COL4A2: variants seen among roughly 807,000 people sequenced by gnomAD.
COL4A2 encodes the protein collagen type IV alpha 2 chain, also known as collagen alpha-2(IV) chain.
A neutral mutation model predicts 200.2 loss-of-function variants in COL4A2; 99 were observed. The observed-to-expected ratio is 0.49, with a 90% CI of 0.42 to 0.58. The LOEUF (loss-of-function observed/expected upper bound fraction) is 0.58, where lower values mean the gene tolerates loss of function less well. COL4A2 is among the 20% of genes least tolerant of loss of function. The probability of loss-of-function intolerance (pLI) is 0.00; values close to 1 mark genes in which losing one functional copy is unlikely to be tolerated. For synonymous variants in COL4A2, 897 were observed against 900.6 expected, an observed-to-expected ratio of 1.00 and a Z score of 0.07; for missense variants, 1,950 against 2,314.1, an observed-to-expected ratio of 0.84 and a Z score of 3.23.
At chr13:110,509,813 T>C (rs1313867645) in intron 47 of COL4A2, among the ~76,000 whole-genome samples, 2 of 152,194 alleles carry the variant, frequency 1.3e-5, no homozygotes, top group Non-Finnish European at 1.5e-5. Context: ...AGGCATGGGT[T>C]GAGACGGCTC....
chr13:110,346,752 G>T (rs1876720903), intron 3 of COL4A2, among the ~76,000 whole-genome samples: 1 of 152,202 alleles, frequency 6.6e-6, no homozygotes, highest in African/African-American at 2.4e-5. Context: ...TGTTTGCTGT[G>T]TAGGTTCCAG....
At position 110,503,943 on chromosome 13, in the gene COL4A2, C is replaced by A. The variant is rs777801935; in HGVS notation, c.4235C>A (p.Pro1412His). ...GTGGGTCCCCAGGGGAGGCGAGGCC[C>A]CCCTGGGGCACCGGGGGAGATGGGG... is the stretch of plus-strand genomic sequence containing the variant. Reference protein sequence around the residue: ...GTVGPQGRRGPPGAPGEMGPQ... With the variant: ...GTVGPQGRRGHPGAPGEMGPQ... Residue 1412 changes from proline to histidine, a missense_variant, in exon 44 of 48, where the codon CCC (proline) becomes CAC (histidine). By Grantham distance (77) the Pro-to-His change is moderately conservative. Transcript: ENST00000360467. 1 of 1,580,106 alleles carries A rather than the reference C, an allele frequency of 6.3e-7. No homozygotes were observed. Among genetic ancestry groups the A allele is most frequent in the East Asian group, 2.2e-5 (1 of 44,648 alleles).
At chr13:110,510,857 A>C (rs1427772883) in intron 47 of COL4A2, among the ~76,000 whole-genome samples, 1 of 152,222 alleles carries the variant, frequency 6.6e-6, no homozygotes, top group Non-Finnish European at 1.5e-5. Context: ...GTGAAGCCGG[A>C]GGTGCCCTGG....
At position 110,315,796 on chromosome 13, in the gene COL4A2, T is replaced by G. The variant is rs1389517849; in HGVS notation, c.99+7673T>G. 2.0e-5 allele frequency among the ~76,000 whole-genome samples: 3 copies of G among 152,228 alleles called. No individual in the cohort carries two copies. In the East Asian group the frequency reaches 5.8e-4, roughly 29 times the overall value. On this transcript the variant is annotated intron_variant, in intron 3 of 47. Transcript: ENST00000360467. ...CTTGCATCGGCCCTCATGGAATGATTCATGGGTACCTTTATCTGCCCGAGG... is the reference window on the plus strand; with the variant it reads ...CTTGCATCGGCCCTCATGGAATGATGCATGGGTACCTTTATCTGCCCGAGG...
intron 3 of COL4A2, among the ~76,000 whole-genome samples, chr13:110,312,320 A>G (rs568383818): frequency 6.6e-6 from 1 of 152,346 alleles, no homozygotes; most frequent in African/African-American, 2.4e-5. Context: ...GAGAGGAAAC[A>G]GGCTCTGTAC....
At chr13:110,496,837 C>T (rs1056800012) in intron 40 of COL4A2, among the ~76,000 whole-genome samples, 2 of 150,234 alleles carry the variant, frequency 1.3e-5, no homozygotes, top group Non-Finnish European at 1.5e-5. Flanking sequence ...TCCACCAGCA[C>T]AGCCTCAGTC....
chr13:110,469,197 T>C lies in COL4A2; in HGVS notation c.2096-20T>C, dbSNP rs1231432225. The C allele has an allele frequency of 6.4e-7, 1 of 1,567,306 alleles. No individual in the cohort carries two copies. The highest frequency in any genetic ancestry group is 8.7e-7 in the Non-Finnish European group (1 of 1,154,738). ...TCCTCGTGGAGCCTGATGTGGTTTG[T>C]GGTTTATTTGGTTATTTAGGTGCCA... On this transcript the variant is annotated intron_variant, in intron 27 of 47. Coordinates refer to ENST00000360467, the MANE Select transcript of COL4A2 (RefSeq NM_001846.4).
chr13:110,329,189 G>A (rs1393045490), intron 3 of COL4A2, among the ~76,000 whole-genome samples: 1 of 152,168 alleles, frequency 6.6e-6, no homozygotes, highest in Non-Finnish European at 1.5e-5. Flanking sequence ...AATACTTGGG[G>A]TATTCGATTT....
At chr13:110,340,363 G>A (rs1441504121) in intron 3 of COL4A2, among the ~76,000 whole-genome samples, 2 of 152,102 alleles carry the variant, frequency 1.3e-5, no homozygotes, top group African/African-American at 4.8e-5. Context: ...GAGCCACCGC[G>A]CCCAGCCAAG....
At chr13:110,485,943 A>T in intron 34 of COL4A2, 107 bp downstream of exon 34, 1 of 1,514,808 alleles carries the variant, frequency 6.6e-7, no homozygotes, top group Middle Eastern at 2.3e-4. Flanking sequence ...TGTCAGTGGC[A>T]GGTTCAGGGC....
chr13:110,480,015 C>CAACA (rs3831147), intron 30 of COL4A2, among the ~76,000 whole-genome samples: 2 of 6,022 alleles, frequency 3.3e-4, no homozygotes, highest in Non-Finnish European at 8.6e-4. Context: ...AGCACAGCCT[C>CAACA]AACCTCCAGA....
chr13:110,327,095 G>C (rs931036955), intron 3 of COL4A2, among the ~76,000 whole-genome samples: 8 of 152,116 alleles, frequency 5.3e-5, no homozygotes, highest in African/African-American at 1.9e-4. Flanking sequence ...TTGCTAACCT[G>C]GGCTAGCCTG....
intron 4 of COL4A2, among the ~76,000 whole-genome samples, chr13:110,424,334 A>G (rs955268613): frequency 6.6e-6 from 1 of 151,304 alleles, no homozygotes; most frequent in African/African-American, 2.4e-5. Context: ...TGATATTTGA[A>G]TGCAATACAC....
chr13:110,461,838 T>C (rs1399875113), intron 22 of COL4A2, among the ~76,000 whole-genome samples: 2 of 152,162 alleles, frequency 1.3e-5, no homozygotes, highest in East Asian at 3.9e-4. Flanking sequence ...CCCGGCCACA[T>C]TGTAATTATT....
intron 47 of COL4A2, 141 bp from the exon 48 acceptor site, chr13:110,511,793 C>G: frequency 7.3e-7 from 1 of 1,373,684 alleles, no homozygotes. Flanking sequence ...AAGGCGCATT[C>G]GCGAGGATGC....
intron 4 of COL4A2, among the ~76,000 whole-genome samples, chr13:110,361,252 G>A (rs886911607): frequency 6.6e-6 from 1 of 152,196 alleles, no homozygotes; most frequent in South Asian, 2.1e-4. Flanking sequence ...TCCCAAATGT[G>A]CTCTTGCAGA....
intron 15 of COL4A2, 25 bp downstream of exon 15, chr13:110,438,693 A>G: frequency 6.2e-7 from 1 of 1,614,008 alleles, no homozygotes; most frequent in Non-Finnish European, 8.5e-7. Flanking sequence ...TTATAACTGC[A>G]GTTGTCGGTT....
chr13:110,482,188 C>T (rs1208861234), intron 31 of COL4A2, among the ~76,000 whole-genome samples: 1 of 152,236 alleles, frequency 6.6e-6, no homozygotes, highest in Non-Finnish European at 1.5e-5. Flanking sequence ...TTCCAGCGTG[C>T]TCCTCTGCCT....
At chr13:110,467,719 C>T (rs1882301832) in intron 27 of COL4A2, among the ~76,000 whole-genome samples, 1 of 152,242 alleles carries the variant, frequency 6.6e-6, no homozygotes, top group Non-Finnish European at 1.5e-5. Flanking sequence ...TGCTGCCCTG[C>T]ACTCCAGGGT....
Sources: gnomAD v4.1 joint callset for allele counts (sites outside exome capture counted in the v4.1 genomes callset) on GRCh38, gnomAD v4.1.1 for gene constraint, MANE v1.5 for transcripts, NCBI Gene and HGNC (gene_info 2026-07-23, HGNC 2026-07-21) for gene names.